Variants in SIN3B observed in about 807,000 individuals in gnomAD.
SIN3B encodes paired amphipathic helix protein Sin3b.
In SIN3B, 19 loss-of-function variants were observed where a neutral mutation model predicts 120.2. The observed-to-expected ratio is 0.16, with a 90% CI of 0.11 to 0.23. SIN3B has a LOEUF of 0.23. Ranked by LOEUF, SIN3B falls within the 10% of genes least tolerant of loss-of-function variation. The probability of loss-of-function intolerance (pLI) is 1.00; values close to 1 mark genes in which losing one functional copy is unlikely to be tolerated. For missense variants in SIN3B, 1,073 were observed against 1,573.0 expected (o/e 0.68, Z 5.38); for synonymous variants, 654 against 653.2 (o/e 1.00, Z -0.02).
At chr19:16,830,961 G>A (rs536525944) in intron 2 of SIN3B, among the ~76,000 whole-genome samples, 4 of 152,284 alleles carry the variant, frequency 2.6e-5, no homozygotes, top group South Asian at 2.1e-4. Flanking sequence ...GGGGAGCTGA[G>A]CGATGTCAGT....
intron 3 of SIN3B, among the ~76,000 whole-genome samples, chr19:16,837,821 A>T (rs1971367069): frequency 1.3e-5 from 2 of 152,016 alleles, no homozygotes; most frequent in African/African-American, 4.8e-5. Context: ...AGGATGCCTG[A>T]TTCTCTGGGT....
At chr19:16,854,332 G>T in intron 8 of SIN3B, 71 bp downstream of exon 8, 1 of 920,684 alleles carries the variant, frequency 1.1e-6, no homozygotes, top group Non-Finnish European at 1.7e-6. Flanking sequence ...TTGGTTTTTA[G>T]TTACTGTTTT....
rs374373742 is a variant in SIN3B, at chr19:16,869,105, C to T, written c.1807-355C>T. Among the ~76,000 whole-genome samples, 99 of 152,282 alleles carry T rather than the reference C, an allele frequency of 6.5e-4. 1 individual carries two copies. The highest frequency in any genetic ancestry group is 2.2e-3 in the African/African-American group (93 of 41,542). On this transcript the variant is annotated intron_variant, in intron 12 of 18. Transcript: ENST00000248054. Reference sequence around the variant, plus strand: ...TTCTCCATGCTGAGCCACGGGGCCCCGTTCTGTCCTGGAGCTGGGCTGAGC... The same window carrying T: ...TTCTCCATGCTGAGCCACGGGGCCCTGTTCTGTCCTGGAGCTGGGCTGAGC...
At chr19:16,857,697 C>T (rs1005383980) in intron 8 of SIN3B, among the ~76,000 whole-genome samples, 12 of 152,126 alleles carry the variant, frequency 7.9e-5, no homozygotes, top group African/African-American at 1.9e-4. Context: ...GGAGCACCCC[C>T]GCATACCATT....
In SIN3B at chr19:16,829,560, T is replaced by A; in HGVS notation, c.120+20T>A. 1 of 1,239,520 alleles carries A rather than the reference T, an allele frequency of 8.1e-7. No individual in the cohort carries two copies. Among genetic ancestry groups the A allele is most frequent in the Non-Finnish European group, 1.0e-6 (1 of 990,928 alleles). The allele number at this position is 1,239,520 out of a possible 1,614,324, so 76.8% of individuals were successfully genotyped here. A position where few individuals can be genotyped will look rare whatever the true frequency, so the allele number is the denominator to read the frequency against. Reference sequence around the variant, plus strand: ...GTGCACGTGAGTGGCGTCCCCGCCCTCCCTCGGGGAACCCATCTTCTGGAC... The same window carrying A: ...GTGCACGTGAGTGGCGTCCCCGCCCACCCTCGGGGAACCCATCTTCTGGAC... On this transcript the variant is annotated intron_variant, in intron 1 of 18. Transcript: ENST00000248054.
chr19:16,833,688 G>A (rs1335005636), intron 3 of SIN3B, among the ~76,000 whole-genome samples: 2 of 151,252 alleles, frequency 1.3e-5, no homozygotes, highest in South Asian at 2.1e-4. Context: ...CCATCAGCCT[G>A]TTGTCTCCTG....
intron 7 of SIN3B, 122 bp downstream of exon 7, chr19:16,853,280 G>C: frequency 1.2e-6 from 1 of 845,286 alleles, no homozygotes; most frequent in Non-Finnish European, 1.9e-6. Flanking sequence ...TCTGAGGATG[G>C]ATCCGGCGGG....
Position 16,863,660 on chromosome 19 carries a change from G to T in SIN3B, c.1267-20G>T. The T allele has an allele frequency of 6.6e-7, 1 of 1,517,492 alleles. No homozygotes were observed. The allele number at this position is 1,517,492 out of a possible 1,614,324, so 94.0% of individuals were successfully genotyped here. A position where few individuals can be genotyped will look rare whatever the true frequency, so the allele number is the denominator to read the frequency against. ...TCCTGGGGCATGCAGCGTCATTCAC[G>T]GCATTTCCTCTTGGTGCAGGTACTG... On this transcript the variant is annotated intron_variant, in intron 9 of 18. Coordinates refer to ENST00000248054, the MANE Select transcript of SIN3B (RefSeq NM_001297595.2).
chr19:16,879,036 T>C lies in SIN3B; in HGVS notation c.*309T>C. 2.2e-6 allele frequency: 1 copy of C among 445,198 alleles called. No individual in the cohort carries two copies. Among genetic ancestry groups the C allele is most frequent in the Middle Eastern group, 5.8e-4 (1 of 1,716 alleles). The allele number at this position is 445,198 out of a possible 1,614,324, so 27.6% of individuals were successfully genotyped here. A position where few individuals can be genotyped will look rare whatever the true frequency, so the allele number is the denominator to read the frequency against. ...CCGTCCGTCACATGTGCCAAATCCC[T>C]GGCAGGCAGATGGCTCCTGCCCCAT... On this transcript the variant is annotated 3_prime_UTR_variant, in exon 19 of 19. Coordinates refer to ENST00000248054, the MANE Select transcript of SIN3B (RefSeq NM_001297595.2).
At chr19:16,851,653 G>C in intron 6 of SIN3B, 119 bp downstream of exon 6, 13 of 1,313,352 alleles carry the variant, frequency 9.9e-6, no homozygotes, top group Non-Finnish European at 1.2e-5. Context: ...ACCGGGGGCT[G>C]TGTGAGGTTC....
intron 14 of SIN3B, among the ~76,000 whole-genome samples, chr19:16,875,417 CTGGTCTGTT>C (rs2051582116): frequency 8.3e-6 from 1 of 120,002 alleles, no homozygotes; most frequent in Non-Finnish European, 1.6e-5. Context: ...TTGGTCTGGT[CTGGTCTGTT>C]TGGTCTGGTC....
chr19:16,829,671 C>A, intron 1 of SIN3B, 120 bp from the exon 2 acceptor site: 2 of 1,258,216 alleles, frequency 1.6e-6, no homozygotes, highest in East Asian at 2.5e-5. Flanking sequence ...GACCCCTCAC[C>A]CCTCACCTCT....
intron 12 of SIN3B, among the ~76,000 whole-genome samples, chr19:16,868,275 C>CTTGG (rs1971806134): frequency 1.3e-5 from 2 of 152,178 alleles, no homozygotes; most frequent in Non-Finnish European, 2.9e-5. Flanking sequence ...GGTCAGTGTG[C>CTTGG]TTGGCCCTAC....
At position 16,851,501 on chromosome 19, in the gene SIN3B, C is replaced by G. The variant is rs772648634; in HGVS notation, c.816C>G (p.Pro272=). ...AGCACAGCAGGAAGCGCTCCCGGCC[C>G]TCGCTCCTCCGCCCCGTGTCTGCAC... ...TPEHSRKRSR[P]SLLRPVSAPA... Residue 272 remains proline, a synonymous_variant, in exon 6 of 19, where the codon CCC becomes CCG. Coordinates refer to ENST00000248054, the MANE Select transcript of SIN3B (RefSeq NM_001297595.2). 5 of 1,608,456 alleles carry G rather than the reference C, an allele frequency of 3.1e-6. No individual in the cohort carries two copies. The African/African-American group carries it at 4.0e-5, about 13-fold the overall frequency.
intron 3 of SIN3B, among the ~76,000 whole-genome samples, chr19:16,833,587 G>A (rs1971307032): frequency 1.3e-5 from 2 of 150,078 alleles, no homozygotes; most frequent in African/African-American, 4.9e-5. Flanking sequence ...AGCAGAGATT[G>A]TGCCACTGCA....
chr19:16,869,300 C>T (rs1387194295), intron 12 of SIN3B, among the ~76,000 whole-genome samples, 160 bp from the exon 13 acceptor site: 1 of 152,168 alleles, frequency 6.6e-6, no homozygotes, highest in Non-Finnish European at 1.5e-5. Flanking sequence ...AGCGACCTAC[C>T]CCCCAGGCCC....
At chr19:16,877,666 G>A (rs770001944) in intron 17 of SIN3B, 27 bp downstream of exon 17, 168 of 1,461,848 alleles carry the variant, frequency 1.1e-4, no homozygotes, top group Middle Eastern at 1.9e-4. Context: ...TGCATGCTCT[G>A]TTCCTTCCTT....
At chr19:16,856,833 A>G (rs973382956) in intron 8 of SIN3B, among the ~76,000 whole-genome samples, 1 of 151,984 alleles carries the variant, frequency 6.6e-6, no homozygotes, top group African/African-American at 2.4e-5. Flanking sequence ...CAGTCTCCCA[A>G]CGTGCTGAGA....
At chr19:16,856,427 T>G (rs1021337909) in intron 8 of SIN3B, among the ~76,000 whole-genome samples, 1 of 152,116 alleles carries the variant, frequency 6.6e-6, no homozygotes, top group African/African-American at 2.4e-5. Flanking sequence ...GAGCTGCAGG[T>G]GGGCGCTACC....
Sources: gnomAD v4.1 joint callset for allele counts (sites outside exome capture counted in the v4.1 genomes callset) on GRCh38, gnomAD v4.1.1 for gene constraint, MANE v1.5 for transcripts, NCBI Gene and HGNC (gene_info 2026-07-23, HGNC 2026-07-21) for gene names.